Variants in NRG3 observed in about 807,000 individuals in gnomAD.
The protein encoded by NRG3 is neuregulin 3.
NRG3 carries 31 observed loss-of-function variants against 66.9 expected under a neutral mutation model. The ratio of observed to expected loss-of-function variants is 0.46; its 90% CI spans 0.35 to 0.63. The LOEUF is 0.63. NRG3 is among the 20% of genes least tolerant of loss of function. NRG3 has a pLI of 0.00. For missense variants in NRG3, 910 were observed against 878.9 expected, an observed-to-expected ratio of 1.04 and a Z score of -0.45; for synonymous variants, 393 against 359.4, an observed-to-expected ratio of 1.09 and a Z score of -1.06.
intron 2 of NRG3, among the ~76,000 whole-genome samples, chr10:82,576,183 G>A (rs1409491899): frequency 1.3e-5 from 2 of 150,814 alleles, no homozygotes; most frequent in Non-Finnish European, 1.5e-5. Flanking sequence ...TTTTAATTTT[G>A]GCAGTCTCTT....
chr10:82,747,002 G>A (rs1271776612), intron 3 of NRG3, among the ~76,000 whole-genome samples: 1 of 152,110 alleles, frequency 6.6e-6, no homozygotes, highest in Non-Finnish European at 1.5e-5. Context: ...AGGATCGCTT[G>A]AGCTCAGGAG....
At chr10:82,722,522 A>G (rs555213282) in intron 2 of NRG3, among the ~76,000 whole-genome samples, 39 of 152,246 alleles carry the variant, frequency 2.6e-4, no homozygotes, top group African/African-American at 9.4e-4. Context: ...AAAATGCAAA[A>G]AAATATAGAT....
At chr10:82,059,196 T>C (rs945423281) in intron 1 of NRG3, among the ~76,000 whole-genome samples, 4 of 152,230 alleles carry the variant, frequency 2.6e-5, no homozygotes, top group East Asian at 1.9e-4. Context: ...TGTGGAATAA[T>C]GTGATCAAAT....
chr10:82,755,604 G>T (rs2059045401), intron 3 of NRG3, among the ~76,000 whole-genome samples: 1 of 152,082 alleles, frequency 6.6e-6, no homozygotes, highest in African/African-American at 2.4e-5. Flanking sequence ...GGGGTGGGGA[G>T]TTTCCTCAGA....
chr10:82,841,912 G>A (rs1214725857), intron 3 of NRG3, among the ~76,000 whole-genome samples: 2 of 152,132 alleles, frequency 1.3e-5, no homozygotes, highest in South Asian at 2.1e-4. Flanking sequence ...GTCTATTGGT[G>A]TGGATGGAGA....
intron 1 of NRG3, among the ~76,000 whole-genome samples, chr10:82,079,131 G>A (rs1290954759): frequency 6.6e-5 from 10 of 150,530 alleles, no homozygotes; most frequent in South Asian, 2.1e-4. Flanking sequence ...TGCAACCTCC[G>A]CCTCCCGGGT....
chr10:82,021,325 C>T (rs1161549167), intron 1 of NRG3, among the ~76,000 whole-genome samples: 1 of 152,072 alleles, frequency 6.6e-6, no homozygotes, highest in East Asian at 1.9e-4. Context: ...CATACTCCTA[C>T]ACTGCTGGAC....
chr10:82,321,091 C>T (rs1432512390), intron 1 of NRG3, among the ~76,000 whole-genome samples: 2 of 152,226 alleles, frequency 1.3e-5, no homozygotes, highest in African/African-American at 2.4e-5. Context: ...AAGCTGTCTG[C>T]AGATAGCAGA....
chr10:82,980,150 A>T (rs1852707194), intron 8 of NRG3, among the ~76,000 whole-genome samples: 1 of 152,074 alleles, frequency 6.6e-6, no homozygotes, highest in South Asian at 2.1e-4. Flanking sequence ...GGCTATACTG[A>T]GTGCACATGG....
At chr10:82,202,662 T>G (rs1303613056) in intron 1 of NRG3, among the ~76,000 whole-genome samples, 3 of 152,166 alleles carry the variant, frequency 2.0e-5, no homozygotes, top group Non-Finnish European at 1.5e-5. Context: ...AATCCACAAA[T>G]CTTACTAGTT....
chr10:82,160,609 C>T (rs1377969957), intron 1 of NRG3, among the ~76,000 whole-genome samples: 1 of 151,418 alleles, frequency 6.6e-6, no homozygotes, highest in Non-Finnish European at 1.5e-5. Flanking sequence ...TGCTTTTAAC[C>T]CAAGCAAGAA....
At chr10:82,515,250 C>A (rs925630355) in intron 2 of NRG3, among the ~76,000 whole-genome samples, 3 of 152,024 alleles carry the variant, frequency 2.0e-5, no homozygotes, top group African/African-American at 7.2e-5. Context: ...ATATAACAAC[C>A]AAATGGCAAC....
At chr10:82,772,134 C>A (rs1187429466) in intron 3 of NRG3, among the ~76,000 whole-genome samples, 1 of 151,742 alleles carries the variant, frequency 6.6e-6, no homozygotes, top group Non-Finnish European at 1.5e-5. Context: ...TAATTTTATT[C>A]TTTTTTAACA....
At chr10:82,825,489 T>C (rs149194469) in intron 3 of NRG3, among the ~76,000 whole-genome samples, 357 of 152,318 alleles carry the variant, frequency 2.3e-3, no homozygotes, top group African/African-American at 8.3e-3. Context: ...AGGTACAATA[T>C]GGTAATTGAG....
intron 2 of NRG3, among the ~76,000 whole-genome samples, chr10:82,493,631 T>G (rs1843353271): frequency 6.6e-6 from 1 of 152,108 alleles, no homozygotes; most frequent in South Asian, 2.1e-4. Flanking sequence ...TTTATATTCC[T>G]CTAGGTATAT....
intron 2 of NRG3, among the ~76,000 whole-genome samples, chr10:82,639,115 G>T (rs1169686937): frequency 1.3e-5 from 2 of 152,276 alleles, no homozygotes; most frequent in East Asian, 3.9e-4. Context: ...CCAAACACAG[G>T]ATACCATTGT....
In NRG3 at chr10:82,621,544, CAT is replaced by C. The variant is rs199956732; in HGVS notation, c.954-117032_954-117031del. ...GTTGGCTGTTAGTATCATCTGATATCATGTGGGGATGATCAAAAGACAGAGAG... is the reference window on the plus strand; with the variant it reads ...GTTGGCTGTTAGTATCATCTGATATCGTGGGGATGATCAAAAGACAGAGAG... On this transcript the variant is annotated intron_variant, in intron 2 of 8. Transcript: ENST00000372141. Among the ~76,000 whole-genome samples the C allele has an allele frequency of 1.1e-3, 170 of 152,244 alleles. 4 individuals carry two copies. In the East Asian group the frequency reaches 0.031, roughly 28 times the overall value.
At chr10:82,119,853 C>T (rs1004199093) in intron 1 of NRG3, among the ~76,000 whole-genome samples, 6 of 152,008 alleles carry the variant, frequency 3.9e-5, no homozygotes, top group Non-Finnish European at 2.9e-5. Flanking sequence ...TCTGAAAACA[C>T]GAGCACCTCT....
chr10:82,275,577 G>A (rs2078807043), intron 1 of NRG3, among the ~76,000 whole-genome samples: 1 of 151,970 alleles, frequency 6.6e-6, no homozygotes, highest in Non-Finnish European at 1.5e-5. Flanking sequence ...GGTTTCCAAA[G>A]CCTGGGAGCT....
Sources: allele counts gnomAD v4.1 joint callset (sites outside exome capture counted in the v4.1 genomes callset), GRCh38; gene constraint gnomAD v4.1.1; transcripts MANE v1.5; gene names NCBI Gene and HGNC (gene_info 2026-07-23, HGNC 2026-07-21).